GK5: variants seen among roughly 807,000 people sequenced by gnomAD.
The protein encoded by GK5 is ATP:glycerol 3-phosphotransferase 5.
GK5 carries 39 observed loss-of-function variants against 77.3 expected under a neutral mutation model. The observed-to-expected ratio is 0.50, with a 90% CI of 0.39 to 0.66. GK5 has a LOEUF of 0.66. Among genes scored for constraint, GK5 ranks in the 30% least tolerant of loss-of-function variants. The probability of loss-of-function intolerance (pLI) is 0.00; values close to 1 mark genes in which losing one functional copy is unlikely to be tolerated. For synonymous variants in GK5, 211 were observed against 208.0 expected, an observed-to-expected ratio of 1.01 and a Z score of -0.13; for missense variants, 487 against 633.8, an observed-to-expected ratio of 0.77 and a Z score of 2.49.
chr3:142,225,127 A>T (rs2064409100), intron 1 of GK5, among the ~76,000 whole-genome samples, 182 bp downstream of exon 1: 1 of 152,012 alleles, frequency 6.6e-6, no homozygotes, highest in Admixed American at 6.5e-5. Flanking sequence ...AGCCCAGACG[A>T]GGGAGGGAAC....
intron 1 of GK5, among the ~76,000 whole-genome samples, chr3:142,219,271 A>T (rs1019730949): frequency 1.3e-5 from 2 of 152,214 alleles, no homozygotes; most frequent in African/African-American, 4.8e-5. Flanking sequence ...ATTCCCCTTA[A>T]AATCTGTACA....
intron 3 of GK5, among the ~76,000 whole-genome samples, chr3:142,207,798 G>T (rs1267091342): frequency 6.6e-6 from 1 of 152,176 alleles, no homozygotes; most frequent in Non-Finnish European, 1.5e-5. Flanking sequence ...TAGGAACAAA[G>T]AGAGAGCCCC....
At chr3:142,187,604 C>CAAAAA in intron 6 of GK5, 100 bp downstream of exon 6, 1 of 658,300 alleles carries the variant, frequency 1.5e-6, no homozygotes. Context: ...GACCCTAGCT[C>CAAAAA]AAAAAAAAAA....
At chr3:142,181,720 C>T (rs2107773937) in intron 10 of GK5, among the ~76,000 whole-genome samples, 155 bp from the exon 11 acceptor site, 1 of 152,306 alleles carries the variant, frequency 6.6e-6, no homozygotes, top group Non-Finnish European at 1.5e-5. Context: ...CATTTACTAG[C>T]TGTAGTCTTG....
chr3:142,216,464 C>A (rs1456085682), intron 1 of GK5, among the ~76,000 whole-genome samples: 1 of 152,030 alleles, frequency 6.6e-6, no homozygotes, highest in East Asian at 1.9e-4. Context: ...TACCTAAAAT[C>A]CTGAGGAAGG....
rs2063842409 is a variant in GK5, at chr3:142,191,040, TATAA to T, written c.544-3265_544-3262del. Among the ~76,000 whole-genome samples, 3 of 148,576 alleles carry T rather than the reference TATAA, an allele frequency of 2.0e-5. No homozygotes were observed. The Admixed American group carries it at 2.0e-4, about 10-fold the overall frequency. On this transcript the variant is annotated intron_variant, in intron 5 of 15. Transcript: ENST00000392993. ...TTTCTAAAGACCAGCCAAAAAGAAG[TATAA>T]ATAATTTTTTTTTTTTGAGACAGAG...
At position 142,181,451 on chromosome 3, in the gene GK5, G is replaced by C; in HGVS notation, c.1048+10C>G. 3 of 1,557,630 alleles carry C rather than the reference G, an allele frequency of 1.9e-6. No individual in the cohort carries two copies. The highest frequency in any genetic ancestry group is 2.6e-6 in the Non-Finnish European group (3 of 1,137,396). ...TCTGGCTTGTGAAATCCATTTAAAA[G>C]ACAACTTACCTAACTGCTGAGCCCA... On this transcript the variant is annotated intron_variant, in intron 11 of 15. Coordinates refer to ENST00000392993, the MANE Select transcript of GK5 (RefSeq NM_001039547.3).
At chr3:142,167,140 G>A (rs1056542064) in intron 15 of GK5, among the ~76,000 whole-genome samples, 1 of 152,128 alleles carries the variant, frequency 6.6e-6, no homozygotes, top group South Asian at 2.1e-4. Flanking sequence ...TTGGGAAGCC[G>A]AGGCGGGCAG....
At chr3:142,208,360 A>T (rs2064141524) in intron 3 of GK5, among the ~76,000 whole-genome samples, 2 of 152,202 alleles carry the variant, frequency 1.3e-5, no homozygotes, top group African/African-American at 4.8e-5. Context: ...AATCACTGCC[A>T]AATCCAAAGT....
chr3:142,177,648 T>C, intron 11 of GK5, 72 bp from the exon 12 acceptor site: 1 of 834,992 alleles, frequency 1.2e-6, no homozygotes, highest in Non-Finnish European at 2.0e-6. Context: ...AACAGAATTA[T>C]GTTACATGAT....
chr3:142,220,425 G>A (rs1577156724), intron 1 of GK5, among the ~76,000 whole-genome samples: 1 of 152,180 alleles, frequency 6.6e-6, no homozygotes, highest in African/African-American at 2.4e-5. Context: ...GTCAGCCACC[G>A]CGTCTGGCAA....
chr3:142,223,833 G>A (rs1028323886), intron 1 of GK5, among the ~76,000 whole-genome samples: 14 of 152,076 alleles, frequency 9.2e-5, no homozygotes, highest in Non-Finnish European at 1.0e-4. Flanking sequence ...GCGAGACTCC[G>A]TCTAAAAAGA....
chr3:142,186,528 G>A lies in GK5; in HGVS notation c.620-15C>T. 7.9e-7 allele frequency: 1 copy of A among 1,259,318 alleles called. No homozygotes were observed. The highest frequency in any genetic ancestry group is 2.4e-5 in the East Asian group (1 of 41,240). The allele number at this position is 1,259,318 out of a possible 1,614,324, so 78.0% of individuals were successfully genotyped here. A position where few individuals can be genotyped will look rare whatever the true frequency, so the allele number is the denominator to read the frequency against. Reference sequence around the variant, plus strand: ...ATATACAGAACCTAAATTTAAATAGGAAATAATACATTTATTATCAGATAG... The same window carrying A: ...ATATACAGAACCTAAATTTAAATAGAAAATAATACATTTATTATCAGATAG... On this transcript the variant is annotated splice_polypyrimidine_tract_variant and intron_variant, in intron 6 of 15. Coordinates refer to ENST00000392993, the MANE Select transcript of GK5 (RefSeq NM_001039547.3).
At chr3:142,211,876 C>CT (rs928699346) in intron 3 of GK5, among the ~76,000 whole-genome samples, 52 of 152,288 alleles carry the variant, frequency 3.4e-4, no homozygotes, top group African/African-American at 1.3e-3. Context: ...CTAGTCACCT[C>CT]TGAGATATCT....
intron 9 of GK5, chr3:142,185,703 G>C (rs762416770): frequency 6.9e-7 from 1 of 1,454,298 alleles, no homozygotes; most frequent in Non-Finnish European, 9.1e-7. Context: ...GTCAGAAAAG[G>C]TTATAAAGTA....
At chr3:142,188,659 CA>C (rs780011352) in intron 5 of GK5, among the ~76,000 whole-genome samples, 1 of 152,184 alleles carries the variant, frequency 6.6e-6, no homozygotes, top group Non-Finnish European at 1.5e-5. Flanking sequence ...GTTAAAAAGA[CA>C]AAAGGAGAAT....
intron 4 of GK5, among the ~76,000 whole-genome samples, chr3:142,201,495 A>G (rs1215086843): frequency 1.3e-5 from 2 of 152,294 alleles, no homozygotes; most frequent in East Asian, 1.9e-4. Context: ...GAGGGTAGGG[A>G]GGTGTATAGG....
chr3:142,197,699 T>A (rs1055278570), intron 5 of GK5, among the ~76,000 whole-genome samples: 1 of 152,204 alleles, frequency 6.6e-6, no homozygotes, highest in Admixed American at 6.5e-5. Flanking sequence ...TATTATCACT[T>A]TGCAAAAGTG....
intron 13 of GK5, 114 bp downstream of exon 13, chr3:142,172,239 C>A: frequency 1.9e-6 from 1 of 535,522 alleles, no homozygotes; most frequent in South Asian, 3.8e-5. Flanking sequence ...ATCAAATAAG[C>A]CAAAAATACA....
Sources: gnomAD v4.1 joint callset for allele counts (sites outside exome capture counted in the v4.1 genomes callset) on GRCh38, gnomAD v4.1.1 for gene constraint, MANE v1.5 for transcripts, NCBI Gene and HGNC (gene_info 2026-07-23, HGNC 2026-07-21) for gene names.